The following AIFM2 variants were observed in gnomAD, a reference collection of about 807,000 sequenced individuals.
The protein encoded by AIFM2 is AIF family member 2, ferroptosis suppressor.
AIFM2 carries 38 observed loss-of-function variants against 35.7 expected under a neutral mutation model. The ratio of observed to expected loss-of-function variants is 1.06; its 90% CI spans 0.82 to 1.39. The LOEUF (loss-of-function observed/expected upper bound fraction) is 1.39. Among genes scored for constraint, AIFM2 ranks in the 40% most tolerant of loss-of-function variants. The pLI, the probability that AIFM2 is intolerant of heterozygous loss-of-function variation, is 0.00. For synonymous variants in AIFM2, 185 were observed against 203.5 expected (o/e 0.91, Z 0.77); for missense variants, 476 against 491.2 (o/e 0.97, Z 0.29).
intron 8 of AIFM2, 141 bp downstream of exon 8, chr10:70,114,779 T>G: frequency 8.9e-7 from 1 of 1,121,968 alleles, no homozygotes; most frequent in Non-Finnish European, 1.3e-6. Flanking sequence ...CAGCCTATTT[T>G]TAAAGAGCTC....
chr10:70,116,767 C>G lies in AIFM2; in HGVS notation c.624G>C (p.Arg208=). ...RKGVQLLLSE[R]VSNLEELPLN... is the part of the protein sequence containing the mutation. ...GAGGCAGCTCCTCCAGATTGCTCAC[C>G]CGCTCACCTAGAAGGGGGTTCATGA... The change falls in exon 7 of 9, where the codon CGG becomes CGC. Residue 208 remains arginine (R), a synonymous_variant. Coordinates refer to ENST00000307864, the MANE Select transcript of AIFM2 (RefSeq NM_032797.6). 6.2e-7 allele frequency: 1 copy of G among 1,614,082 alleles called. No individual in the cohort carries two copies. Among genetic ancestry groups the G allele is most frequent in the Admixed American group, 1.7e-5 (1 of 60,018 alleles).
Position 70,114,921 on chromosome 10 carries a change from C to T in AIFM2, c.969G>A (p.Pro323=), listed in dbSNP as rs774392642. Residue 323 remains proline (P), a splice_region_variant and synonymous_variant, in exon 8 of 9, where the codon CCG becomes CCA. Coordinates refer to ENST00000307864, the MANE Select transcript of AIFM2 (RefSeq NM_032797.6). ...CAAAGCACATGGGGCCTCTCTTACC[C>T]GGCTTGTAGGCCTGGAGAGGCCGCT... The part of the protein sequence containing the change: ...VKQRPLQAYK[P]GALTFLLSMG... The T allele has an allele frequency of 3.6e-5, 58 of 1,613,932 alleles. No individual in the cohort carries two copies. Among genetic ancestry groups the T allele is most frequent in the Admixed American group, 5.0e-5 (3 of 59,994 alleles).
At chr10:70,132,420 G>A (rs934192730) in intron 1 of AIFM2, among the ~76,000 whole-genome samples, 3 of 152,186 alleles carry the variant, frequency 2.0e-5, no homozygotes, top group Non-Finnish European at 4.4e-5. Context: ...CCTCTTCCCC[G>A]GTTCGCCCTT....
In AIFM2 at chr10:70,121,158, CG is replaced by C. The variant is rs758501557; in HGVS notation, c.347del (p.Pro116ArgfsTer21). 1 of 1,600,442 alleles carries C rather than the reference CG, an allele frequency of 6.2e-7. No homozygotes were observed. The highest frequency in any genetic ancestry group is 1.1e-5 in the South Asian group (1 of 90,882). ...GGCTGGAAACCTCATTAAACTTGCC[CG>C]GGAAGGGCCCAGTGCTGCCCGTGGC... ...ILATGSTGPF[P>X]GKFNEVSSQQ... On this transcript the variant is annotated frameshift_variant, in exon 4 of 9. Coordinates refer to ENST00000307864, the MANE Select transcript of AIFM2 (RefSeq NM_032797.6). LOFTEE classifies it high-confidence loss of function.
intron 1 of AIFM2, among the ~76,000 whole-genome samples, chr10:70,127,124 C>T (rs1343459781): frequency 6.6e-6 from 1 of 152,236 alleles, no homozygotes. Flanking sequence ...AGAATGTAGG[C>T]AGTGATGAGG....
intron 1 of AIFM2, among the ~76,000 whole-genome samples, chr10:70,129,243 G>C (rs1054465895): frequency 1.3e-5 from 2 of 151,712 alleles, no homozygotes; most frequent in African/African-American, 4.8e-5. Context: ...TGGAATTACA[G>C]GGGTAAGCCA....
At chr10:70,129,029 T>G (rs997600554) in intron 1 of AIFM2, among the ~76,000 whole-genome samples, 4 of 152,122 alleles carry the variant, frequency 2.6e-5, no homozygotes, top group Non-Finnish European at 4.4e-5. Flanking sequence ...TTACTTATTT[T>G]TAATTTTCTT....
chr10:70,117,923 G>A lies in AIFM2; in HGVS notation c.508-3C>T, dbSNP rs1321607282. The A allele has an allele frequency of 6.2e-7, 1 of 1,605,262 alleles. No homozygotes were observed. The highest frequency in any genetic ancestry group is 8.5e-7 in the Non-Finnish European group (1 of 1,175,610). ...ACTTGGGAGTGAATGAGAGTGACCT[G>A]AGGACAAAACGACCACAGGGCCTGA... On this transcript the variant is annotated splice_polypyrimidine_tract_variant and splice_region_variant and intron_variant, in intron 5 of 8. Coordinates refer to ENST00000307864, the MANE Select transcript of AIFM2 (RefSeq NM_032797.6). The surrounding 1 kb of genome is among the most constrained non-coding windows in gnomAD (Gnocchi z 4.7).
In AIFM2 at chr10:70,116,696, G is replaced by A. The variant is rs1396717852; in HGVS notation, c.695C>T (p.Thr232Ile). The A allele has an allele frequency of 6.2e-7, 1 of 1,614,200 alleles. No homozygotes were observed. Among genetic ancestry groups the A allele is most frequent in the Non-Finnish European group, 8.5e-7 (1 of 1,180,044 alleles). ...AATCACCAGGTTGGTGGCCACCTCT[G>A]TGCCTTTGTCCGTCTGCACTTTGAT... The part of the protein sequence containing the change: ...EYIKVQTDKG[T>I]EVATNLVILC... The change falls in exon 7 of 9, where the codon ACA (threonine) becomes ATA (isoleucine). Residue 232 changes from threonine (T) to isoleucine (I), a missense_variant. By Grantham distance (89) the Thr-to-Ile change is moderately conservative. Transcript: ENST00000307864.
intron 1 of AIFM2, among the ~76,000 whole-genome samples, chr10:70,130,736 A>G (rs1341685609): frequency 1.3e-5 from 2 of 152,216 alleles, no homozygotes; most frequent in African/African-American, 4.8e-5. Flanking sequence ...TTTTTGAGGA[A>G]CTGCTAAATC....
Position 70,117,861 on chromosome 10 carries a change from C to A in AIFM2, c.567G>T (p.Arg189=). 1 of 1,605,220 alleles carries A rather than the reference C, an allele frequency of 6.2e-7. No homozygotes were observed. Among genetic ancestry groups the A allele is most frequent in the Non-Finnish European group, 8.5e-7 (1 of 1,176,752 alleles). ...GGAGGAGGATCTCCTTCACTTCCTG[C>A]CGGACGGAGGGCAGGAGCTCCTTGT... ...LADKELLPSV[R]QEVKEILLRK... is the part of the protein sequence containing the mutation. Residue 189 remains arginine (R), a synonymous_variant, in exon 6 of 9, where the codon CGG becomes CGT. Coordinates refer to ENST00000307864, the MANE Select transcript of AIFM2 (RefSeq NM_032797.6). This position sits in a 1 kb window ranked among gnomAD's most constrained non-coding sequence, Gnocchi z 4.7.
In AIFM2 at chr10:70,114,293, T is replaced by C; in HGVS notation, c.1007A>G (p.Asp336Gly). The change falls in exon 9 of 9, where the codon GAC becomes GGC. Residue 336 changes from aspartate to glycine, a missense_variant. Transcript: ENST00000307864. ...LTFLLSMGRN[D>G]GVGQISGFYV... ...GAAGCCACTGATTTGGCCCACACCG[T>C]CATTTCTCCCCATGGACAGGAGGAA... 6.2e-7 allele frequency: 1 copy of C among 1,613,776 alleles called. No homozygotes were observed. Among genetic ancestry groups the C allele is most frequent in the Non-Finnish European group, 8.5e-7 (1 of 1,179,996 alleles).
At chr10:70,127,223 T>A (rs149945370) in intron 1 of AIFM2, among the ~76,000 whole-genome samples, 2 of 152,212 alleles carry the variant, frequency 1.3e-5, no homozygotes, top group African/African-American at 4.8e-5. Flanking sequence ...CAGCCAGGGA[T>A]GAGGTCAAGA....
intron 5 of AIFM2, among the ~76,000 whole-genome samples, chr10:70,118,510 CA>C (rs2072463169): frequency 6.6e-6 from 1 of 151,878 alleles, no homozygotes; most frequent in Non-Finnish European, 1.5e-5. Flanking sequence ...TAATGATGAG[CA>C]AAAAAATACG....
chr10:70,124,183 G>T, intron 1 of AIFM2, 86 bp from the exon 2 acceptor site: 2 of 1,037,768 alleles, frequency 1.9e-6, no homozygotes, highest in South Asian at 3.0e-5. Context: ...CCTCGATCAT[G>T]AATTGACCTT....
At position 70,123,407 on chromosome 10, in the gene AIFM2, C is replaced by A. The variant is rs139590841; in HGVS notation, c.292G>T (p.Glu98Ter). The A allele has an allele frequency of 1.3e-5, 21 of 1,613,780 alleles. No individual in the cohort carries two copies. The highest frequency in any genetic ancestry group is 1.6e-5 in the Non-Finnish European group (19 of 1,179,868). ...CAGCCGGGCTGGCCCTCACTCACCT[C>A]GCCACCCTGCAGCAGCACCATCTGG... ...KNQMVLLQGG[E>*]ALPFSHLILA... The change falls in exon 3 of 9, where the codon GAG (glutamate) becomes TAG (stop). Residue 98 changes from glutamate (E) to a stop codon, truncating the protein, a stop_gained and splice_region_variant. Coordinates refer to ENST00000307864, the MANE Select transcript of AIFM2 (RefSeq NM_032797.6). LOFTEE classifies it high-confidence loss of function.
Position 70,114,132 on chromosome 10 carries a change from T to C in AIFM2, c.*46A>G, listed in dbSNP as rs369051159. On this transcript the variant is annotated 3_prime_UTR_variant, in exon 9 of 9. Coordinates refer to ENST00000307864, the MANE Select transcript of AIFM2 (RefSeq NM_032797.6). Reference sequence around the variant, plus strand: ...CAGGCGGGTGCCATGCGCCAAGCAGTCCGTACGCCCACCTGCTGCGGTAGT... The same window carrying C: ...CAGGCGGGTGCCATGCGCCAAGCAGCCCGTACGCCCACCTGCTGCGGTAGT... 2.3e-5 allele frequency: 36 copies of C among 1,583,996 alleles called. No homozygotes were observed. The highest frequency in any genetic ancestry group is 1.1e-4 in the Admixed American group (6 of 54,072).
chr10:70,114,246 G>C lies in AIFM2; in HGVS notation c.1054C>G (p.Arg352Gly). The change falls in exon 9 of 9, where the codon CGG becomes GGG. Residue 352 changes from arginine (R) to glycine (G), a missense_variant. Arg to Gly is a moderately radical substitution (Grantham distance 125). Transcript: ENST00000307864. ...AACAGGTCCCGGCTCTTGGTCAGCC[G>C]AACCATGAGCCGGCCCACATAGAAG... ...SGFYVGRLMV[R>G]LTKSRDLFVS... The C allele has an allele frequency of 1.2e-6, 2 of 1,613,772 alleles. No individual in the cohort carries two copies.
chr10:70,112,454 G>A lies in AIFM2; in HGVS notation c.*1724C>T, dbSNP rs771085786. Reference sequence around the variant, plus strand: ...AGGGCCTGTGTTTCTTAGGCCGAAGGTCCTGCCTCCAGGAAGGTGGGCTTC... The same window carrying A: ...AGGGCCTGTGTTTCTTAGGCCGAAGATCCTGCCTCCAGGAAGGTGGGCTTC... On this transcript the variant is annotated 3_prime_UTR_variant, in exon 9 of 9. Transcript: ENST00000307864. 9 of 152,212 alleles carry A rather than the reference G, an allele frequency of 5.9e-5. No homozygotes were observed. The highest frequency in any genetic ancestry group is 1.0e-4 in the Non-Finnish European group (7 of 68,048). 9.4% of individuals were successfully genotyped at this position (152,212 alleles called of 1,614,324 possible). A position where few individuals can be genotyped will look rare whatever the true frequency, so the allele number is the denominator to read the frequency against.
Sources: gnomAD v4.1 joint callset for allele counts (sites outside exome capture counted in the v4.1 genomes callset) on GRCh38, gnomAD v4.1.1 for gene constraint, Gnocchi (gnomAD v3.1) non-coding constraint, MANE v1.5 for transcripts, NCBI Gene and HGNC (gene_info 2026-07-23, HGNC 2026-07-21) for gene names.